Variants in PMFBP1 observed in about 807,000 individuals in gnomAD.
PMFBP1 encodes polyamine-modulated factor 1-binding protein 1.
A neutral mutation model predicts 137.8 loss-of-function variants in PMFBP1; 131 were observed. The observed-to-expected ratio is 0.95, with a 90% CI of 0.82 to 1.10. PMFBP1 has a LOEUF of 1.10. Ranked by LOEUF, PMFBP1 falls within the 50% of genes least tolerant of loss-of-function variation. The probability of loss-of-function intolerance (pLI) is 0.00; values close to 1 mark genes in which losing one functional copy is unlikely to be tolerated. For missense variants in PMFBP1, 1,199 were observed against 1,175.4 expected (o/e 1.02, Z -0.29); for synonymous variants, 490 against 450.4 (o/e 1.09, Z -1.11).
At chr16:72,189,655 G>A in the PMFBP1 span, among the ~76,000 whole-genome samples, 1 of 152,214 alleles carries the variant, frequency 6.6e-6, no homozygotes, top group Non-Finnish European at 1.5e-5. Flanking sequence ...TGGAGATTAG[G>A]AGCCTCTGCT....
intron 4 of PMFBP1, among the ~76,000 whole-genome samples, chr16:72,153,249 T>C (rs2042929999): frequency 1.3e-5 from 2 of 152,184 alleles, no homozygotes; most frequent in African/African-American, 2.4e-5. Flanking sequence ...TCTCTGTTCC[T>C]CCCACTCTTA....
Position 72,128,765 on chromosome 16 carries a change from T to C in PMFBP1, c.1980A>G (p.Glu660=), listed in dbSNP as rs747039165. 8.7e-6 allele frequency: 14 copies of C among 1,614,100 alleles called. No homozygotes were observed. The South Asian group carries it at 1.2e-4, about 14-fold the overall frequency. The change falls in exon 14 of 21, where the codon GAA becomes GAG. Residue 660 remains glutamate, a synonymous_variant. Transcript: ENST00000237353. Reference sequence around the variant, plus strand: ...GCTCTGCTCGGAGATTCTCATTTTCTTCCTCCAACTTTCTGGAATTCTCTT... The same window carrying C: ...GCTCTGCTCGGAGATTCTCATTTTCCTCCTCCAACTTTCTGGAATTCTCTT... The part of the protein sequence containing the change: ...TLKENSRKLE[E]ENENLRAELQ...
intron 14 of PMFBP1, among the ~76,000 whole-genome samples, chr16:72,126,606 C>G (rs779559156): frequency 6.6e-6 from 1 of 152,220 alleles, no homozygotes; most frequent in Non-Finnish European, 1.5e-5. Context: ...TGCTGTAACT[C>G]AGGGCATGGC....
At chr16:72,222,526 C>A in the PMFBP1 span, among the ~76,000 whole-genome samples, 1 of 152,106 alleles carries the variant, frequency 6.6e-6, no homozygotes, top group Non-Finnish European at 1.5e-5. Context: ...TAAGTCACTG[C>A]AAATGTGAGG....
At chr16:72,119,398 AT>A in intron 20 of PMFBP1, 44 bp from the exon 21 acceptor site, 3 of 1,614,084 alleles carry the variant, frequency 1.9e-6, no homozygotes, top group Non-Finnish European at 2.5e-6. Context: ...TCGAGGAGAA[AT>A]TAACGAGGTG....
At chr16:72,198,826 A>G in the PMFBP1 span, among the ~76,000 whole-genome samples, 1 of 133,990 alleles carries the variant, frequency 7.5e-6, no homozygotes, top group Non-Finnish European at 1.6e-5. Flanking sequence ...ACCCACCCCA[A>G]CCAGGAGAGC....
At chr16:72,238,407 T>C in the PMFBP1 span, among the ~76,000 whole-genome samples, 2 of 152,246 alleles carry the variant, frequency 1.3e-5, no homozygotes, top group East Asian at 3.8e-4. Flanking sequence ...ATCAGCAATG[T>C]TGACTTTTTA....
At chr16:72,187,112 CAAA>C in the PMFBP1 span, among the ~76,000 whole-genome samples, 1 of 112,930 alleles carries the variant, frequency 8.9e-6, no homozygotes. Flanking sequence ...GACTCCATCT[CAAA>C]AAAAAAAAAA....
At chr16:72,195,234 C>G in the PMFBP1 span, among the ~76,000 whole-genome samples, 1 of 152,188 alleles carries the variant, frequency 6.6e-6, no homozygotes, top group Non-Finnish European at 1.5e-5. Context: ...GTCATCTTTG[C>G]ACCAGATTGT....
the PMFBP1 span, among the ~76,000 whole-genome samples, chr16:72,186,219 C>A: frequency 6.6e-6 from 1 of 152,174 alleles, no homozygotes; most frequent in Non-Finnish European, 1.5e-5. Context: ...TCAGCTCTCC[C>A]AGAATAACTT....
At chr16:72,140,926 G>GTTTTTT (rs1567629530) in intron 5 of PMFBP1, among the ~76,000 whole-genome samples, 63 of 83,522 alleles carry the variant, frequency 7.5e-4, no homozygotes, top group Non-Finnish European at 1.2e-3. Flanking sequence ...ACACAAATGA[G>GTTTTTT]TCTTTTTTTT....
chr16:72,127,587 A>T, intron 14 of PMFBP1, among the ~76,000 whole-genome samples: 1 of 152,240 alleles, frequency 6.6e-6, no homozygotes, highest in East Asian at 1.9e-4. Context: ...TTTTGCTAAC[A>T]TGAGTGGTTT....
the PMFBP1 span, among the ~76,000 whole-genome samples, chr16:72,219,105 A>G: frequency 1.2e-4 from 19 of 152,350 alleles, no homozygotes; most frequent in Admixed American, 1.0e-3. Context: ...TAACATATAC[A>G]TTACCTCACA....
Position 72,136,725 on chromosome 16 carries a change from G to A in PMFBP1, c.1013C>T (p.Ala338Val), listed in dbSNP as rs578145378. Residue 338 changes from alanine (A) to valine (V), a missense_variant, in exon 8 of 21, where the codon GCC becomes GTC. Transcript: ENST00000237353. Reference protein sequence around the residue: ...LVKDLRVELEAVSEQKRNIMK... With the variant: ...LVKDLRVELEVVSEQKRNIMK... ...GATGTTTCTCTTCTGTTCCGACACGGCCTCTAGTTCCACGCGCAGATCCTT... is the reference window on the plus strand; with the variant it reads ...GATGTTTCTCTTCTGTTCCGACACGACCTCTAGTTCCACGCGCAGATCCTT... The A allele has an allele frequency of 3.7e-6, 6 of 1,614,038 alleles. No homozygotes were observed. The East Asian group carries it at 1.1e-4, about 30-fold the overall frequency.
chr16:72,134,781 C>T (rs1202654330), intron 9 of PMFBP1, among the ~76,000 whole-genome samples: 2 of 152,158 alleles, frequency 1.3e-5, no homozygotes, highest in African/African-American at 4.8e-5. Flanking sequence ...AAATCTCTGC[C>T]CAAATGTCAC....
rs774175683 is a variant in PMFBP1 at position 72,140,394 on chromosome 16, C to A, written c.807+18G>T. 1 of 1,601,872 alleles carries A rather than the reference C, an allele frequency of 6.2e-7. No homozygotes were observed. The highest frequency in any genetic ancestry group is 8.6e-7 in the Non-Finnish European group (1 of 1,169,032). ...ATTGAGGGTCTCCCAGAGACATGTTCTAGAAGAAGGCACTTACCAAAGCGT... is the reference window on the plus strand; with the variant it reads ...ATTGAGGGTCTCCCAGAGACATGTTATAGAAGAAGGCACTTACCAAAGCGT... On this transcript the variant is annotated intron_variant, in intron 6 of 20. Coordinates refer to ENST00000237353, the MANE Select transcript of PMFBP1 (RefSeq NM_031293.3).
the PMFBP1 span, among the ~76,000 whole-genome samples, chr16:72,195,981 A>ATGTG: frequency 2.4e-3 from 342 of 145,044 alleles, 1 homozygote; most frequent in Middle Eastern, 6.9e-3. Flanking sequence ...AGCTTACAGA[A>ATGTG]TGTGTGTGTG....
At chr16:72,247,940 T>G in the PMFBP1 span, among the ~76,000 whole-genome samples, 1 of 152,202 alleles carries the variant, frequency 6.6e-6, no homozygotes. Context: ...AAATTTGGTT[T>G]GCAGATTTTT....
intron 5 of PMFBP1, among the ~76,000 whole-genome samples, chr16:72,149,364 T>G (rs186989751): frequency 6.6e-6 from 1 of 152,194 alleles, no homozygotes; most frequent in East Asian, 1.9e-4. Flanking sequence ...CTTTAAACAA[T>G]AAAAATAAGC....
Sources: allele counts gnomAD v4.1 joint callset (sites outside exome capture counted in the v4.1 genomes callset), GRCh38; gene constraint gnomAD v4.1.1; transcripts MANE v1.5; gene names NCBI Gene and HGNC (gene_info 2026-07-23, HGNC 2026-07-21).